MYO9A: variants seen among roughly 807,000 people sequenced by gnomAD.
MYO9A encodes unconventional myosin-IXa.
A neutral mutation model predicts 293.3 loss-of-function variants in MYO9A; 103 were observed. That is an observed-to-expected ratio of 0.35 (90% CI 0.30 to 0.41). The LOEUF is 0.41. Ranked by LOEUF, MYO9A falls within the 10% of genes least tolerant of loss-of-function variation. The pLI is 1.00. For synonymous variants in MYO9A, 1,001 were observed against 1,035.7 expected (o/e 0.97, Z 0.64); for missense variants, 2,685 against 3,033.0 (o/e 0.89, Z 2.69).
rs368476698 is a variant in MYO9A at position 71,987,706 on chromosome 15, T to A, written c.1722+3397A>T. Among the ~76,000 whole-genome samples the A allele has an allele frequency of 2.6e-4, 39 of 152,322 alleles. 1 individual carries two copies. The highest frequency in any genetic ancestry group is 1.2e-3 in the East Asian group (6 of 5,190). On this transcript the variant is annotated intron_variant, in intron 11 of 41. Transcript: ENST00000356056. ...GACAAAATTTAGAACCAAACCACAG[T>A]CATCATATTGAAGATTTTTCCTACA...
At chr15:72,091,753 G>A (rs1185013627) in intron 1 of MYO9A, among the ~76,000 whole-genome samples, 1 of 144,312 alleles carries the variant, frequency 6.9e-6, no homozygotes, top group Non-Finnish European at 1.5e-5. Context: ...TCACTCTCTT[G>A]CCCAGGATGG....
At chr15:71,844,442 T>A (rs2055297312) in intron 39 of MYO9A, among the ~76,000 whole-genome samples, 1 of 152,216 alleles carries the variant, frequency 6.6e-6, no homozygotes, top group African/African-American at 2.4e-5. Context: ...GTGAGACCAG[T>A]CCATTACAGG....
Position 71,935,834 on chromosome 15 carries a change from A to T in MYO9A, c.2379-350T>A, listed in dbSNP as rs548445129. ...TTTTAGAATTTTCAAATGCTACTAT[A>T]GGAATTTGTCATCCTAATACACTAT... On this transcript the variant is annotated intron_variant, in intron 16 of 41. Coordinates refer to ENST00000356056, the MANE Select transcript of MYO9A (RefSeq NM_006901.4). 1.1e-3 allele frequency among the ~76,000 whole-genome samples: 161 copies of T among 152,114 alleles called. 5 individuals are homozygous for T. The South Asian group carries it at 0.033, about 32-fold the overall frequency.
chr15:72,095,856 G>A (rs962828492), intron 1 of MYO9A, among the ~76,000 whole-genome samples: 2 of 151,150 alleles, frequency 1.3e-5, no homozygotes, highest in Non-Finnish European at 3.0e-5. Flanking sequence ...GAGGCAAGCG[G>A]ATCATCTGAG....
intron 8 of MYO9A, among the ~76,000 whole-genome samples, chr15:72,003,462 C>T (rs1378831478): frequency 2.0e-5 from 3 of 151,694 alleles, no homozygotes; most frequent in Non-Finnish European, 4.4e-5. Context: ...TTTGGAAGGC[C>T]GAGACGGGCA....
Position 71,964,351 on chromosome 15 carries a change from G to A in MYO9A, c.1986+3633C>T, listed in dbSNP as rs563253729. On this transcript the variant is annotated intron_variant, in intron 13 of 41. Transcript: ENST00000356056. ...TCCTAGTTTCTCACATAGAAGCTTA[G>A]AGAACCACTTTTCAATCAAGCATGG... Among the ~76,000 whole-genome samples the A allele has an allele frequency of 1.5e-4, 23 of 152,102 alleles. No homozygotes were observed. The South Asian group carries it at 4.4e-3, about 29-fold the overall frequency.
intron 8 of MYO9A, among the ~76,000 whole-genome samples, chr15:72,002,716 T>C (rs16956476): frequency 0.015 from 2,261 of 151,844 alleles, 53 homozygotes; most frequent in African/African-American, 0.052. Context: ...GAAACAAGAG[T>C]AGGAATGATG....
At chr15:71,937,879 C>A (rs548304728) in intron 16 of MYO9A, among the ~76,000 whole-genome samples, 36 of 152,206 alleles carry the variant, frequency 2.4e-4, no homozygotes, top group Non-Finnish European at 4.9e-4. Flanking sequence ...GTACACAGGT[C>A]AAGGTTAACT....
chr15:71,869,863 C>CT (rs1428888546), intron 32 of MYO9A, among the ~76,000 whole-genome samples: 1 of 152,156 alleles, frequency 6.6e-6, no homozygotes, highest in Non-Finnish European at 1.5e-5. Context: ...TTTATAGATG[C>CT]TTACTATGTG....
chr15:72,063,515 T>A (rs578043000), intron 1 of MYO9A, among the ~76,000 whole-genome samples: 1 of 152,204 alleles, frequency 6.6e-6, no homozygotes, highest in East Asian at 1.9e-4. Context: ...AAGGGATTAA[T>A]AAGAATATAT....
intron 18 of MYO9A, among the ~76,000 whole-genome samples, chr15:71,930,054 T>TA (rs1457054734): frequency 6.6e-6 from 1 of 152,202 alleles, no homozygotes; most frequent in African/African-American, 2.4e-5. Context: ...ATCATGAAAC[T>TA]ATCTGGTCCT....
At chr15:72,108,904 A>G (rs1379316893) in intron 1 of MYO9A, among the ~76,000 whole-genome samples, 1 of 151,818 alleles carries the variant, frequency 6.6e-6, no homozygotes, top group Non-Finnish European at 1.5e-5. Flanking sequence ...CTGGGATTAT[A>G]AGCACCCACC....
chr15:71,938,841 AAC>A lies in MYO9A; in HGVS notation c.2378+9_2378+10del. 6.3e-7 allele frequency: 1 copy of A among 1,591,610 alleles called. No individual in the cohort carries two copies. Among genetic ancestry groups the A allele is most frequent in the Middle Eastern group, 1.7e-4 (1 of 5,982 alleles). On this transcript the variant is annotated intron_variant, in intron 16 of 41. Coordinates refer to ENST00000356056, the MANE Select transcript of MYO9A (RefSeq NM_006901.4). ...TATACGTCCTTGAAAACATAAACCAAACACACTTACTGTTGGTTTTTTTCATT... is the reference window on the plus strand; with the variant it reads ...TATACGTCCTTGAAAACATAAACCAAACACTTACTGTTGGTTTTTTTCATT...
intron 2 of MYO9A, among the ~76,000 whole-genome samples, chr15:72,033,017 T>C (rs978162648): frequency 6.6e-6 from 1 of 151,924 alleles, no homozygotes; most frequent in Admixed American, 6.6e-5. Context: ...AGCCTGGCTA[T>C]TTTTTTGTAT....
chr15:71,867,904 T>A (rs1410805159), intron 32 of MYO9A, among the ~76,000 whole-genome samples: 1 of 151,314 alleles, frequency 6.6e-6, no homozygotes, highest in Non-Finnish European at 1.5e-5. Flanking sequence ...AGCCTAATAG[T>A]CCGGTAAGGA....
Position 71,887,939 on chromosome 15 carries a change from C to G in MYO9A, c.5255+65G>C, listed in dbSNP as rs571348941. ...ATGGTTTTTTTAAAAAAGCTCAGTA[C>G]TTAACTATAGTCAGTTATCAAATAA... is the stretch of plus-strand genomic sequence containing the variant. On this transcript the variant is annotated intron_variant, in intron 27 of 41. Coordinates refer to ENST00000356056, the MANE Select transcript of MYO9A (RefSeq NM_006901.4). The G allele has an allele frequency of 6.1e-5, 57 of 927,734 alleles. No individual in the cohort carries two copies. In the African/African-American group the frequency reaches 9.8e-4, roughly 16 times the overall value. 57.5% of individuals were successfully genotyped at this position (927,734 alleles called of 1,614,324 possible).
chr15:71,942,135 C>T (rs968696452), intron 15 of MYO9A, among the ~76,000 whole-genome samples: 4 of 151,814 alleles, frequency 2.6e-5, no homozygotes, highest in Admixed American at 2.0e-4. Context: ...CACACCTGAG[C>T]AACAAATGAT....
At chr15:72,064,248 C>T (rs1000652116) in intron 1 of MYO9A, among the ~76,000 whole-genome samples, 10 of 151,936 alleles carry the variant, frequency 6.6e-5, no homozygotes, top group East Asian at 3.9e-4. Flanking sequence ...TAGTATTTGA[C>T]GGCACAAAAG....
chr15:71,830,722 C>A (rs149669148), intron 39 of MYO9A, among the ~76,000 whole-genome samples: 104 of 152,092 alleles, frequency 6.8e-4, no homozygotes, highest in African/African-American at 2.4e-3. Context: ...TTGTGACCCC[C>A]ACACTGACTG....
Sources: allele counts gnomAD v4.1 joint callset (sites outside exome capture counted in the v4.1 genomes callset), GRCh38; gene constraint gnomAD v4.1.1; transcripts MANE v1.5; gene names NCBI Gene and HGNC (gene_info 2026-07-23, HGNC 2026-07-21).